PDE4B: variants seen among roughly 807,000 people sequenced by gnomAD.
PDE4B encodes the protein phosphodiesterase 4B.
Under a neutral mutation model 82.2 loss-of-function variants are expected in PDE4B, and 20 were observed. That is an observed-to-expected ratio of 0.24 (90% CI 0.17 to 0.35). The LOEUF is 0.35. Ranked by LOEUF, PDE4B falls within the 10% of genes least tolerant of loss-of-function variation. The pLI, the probability that PDE4B is intolerant of heterozygous loss-of-function variation, is 1.00. For synonymous variants in PDE4B, 320 were observed against 318.9 expected, an observed-to-expected ratio of 1.00 and a Z score of -0.04; for missense variants, 655 against 907.2, an observed-to-expected ratio of 0.72 and a Z score of 3.57.
At chr1:65,851,363 A>G (rs534819926) in intron 1 of PDE4B, among the ~76,000 whole-genome samples, 5 of 152,146 alleles carry the variant, frequency 3.3e-5, no homozygotes, top group African/African-American at 1.2e-4. Flanking sequence ...CATATAATTA[A>G]TATTTACAAA....
intron 3 of PDE4B, among the ~76,000 whole-genome samples, chr1:66,229,771 G>A (rs1423076717): frequency 2.0e-5 from 3 of 151,924 alleles, no homozygotes; most frequent in Non-Finnish European, 4.4e-5. Flanking sequence ...CTGCAGAGCT[G>A]AACTTCTAAA....
chr1:66,057,523 T>G (rs1655366109), intron 3 of PDE4B, among the ~76,000 whole-genome samples: 1 of 152,120 alleles, frequency 6.6e-6, no homozygotes, highest in South Asian at 2.1e-4. Context: ...AAGACATACA[T>G]GAGACTGGGC....
In PDE4B at chr1:65,794,725, C is replaced by T. The variant is rs138433192; in HGVS notation, c.-71+1477C>T. On this transcript the variant is annotated intron_variant, in intron 1 of 16. Coordinates refer to ENST00000341517, the MANE Select transcript of PDE4B (RefSeq NM_002600.4). ...TTCTTTTTCATTTTCTAAACAACAA[C>T]GTGCCAATTTTGTTAATTTACAAAA... Among the ~76,000 whole-genome samples the T allele has an allele frequency of 2.4e-4, 37 of 152,252 alleles. 1 individual carries two copies. In the East Asian group the frequency reaches 7.1e-3, roughly 29 times the overall value.
intron 3 of PDE4B, among the ~76,000 whole-genome samples, chr1:66,243,924 G>A (rs543570461): frequency 3.9e-5 from 6 of 152,328 alleles, no homozygotes; most frequent in South Asian, 2.1e-4. Flanking sequence ...TTTCAATGCC[G>A]TGTATATATG....
chr1:66,060,178 T>C (rs1394304541), intron 3 of PDE4B, among the ~76,000 whole-genome samples: 1 of 152,198 alleles, frequency 6.6e-6, no homozygotes, highest in Non-Finnish European at 1.5e-5. Flanking sequence ...CTGGCTTCAT[T>C]TGTCACCGAG....
At chr1:65,935,411 A>G (rs1648071101) in intron 3 of PDE4B, among the ~76,000 whole-genome samples, 1 of 152,130 alleles carries the variant, frequency 6.6e-6, no homozygotes. Context: ...ATTTACCATG[A>G]ATGGAATTAA....
chr1:66,249,206 A>G (rs1653564012), intron 4 of PDE4B, among the ~76,000 whole-genome samples: 1 of 152,224 alleles, frequency 6.6e-6, no homozygotes, highest in African/African-American at 2.4e-5. Context: ...GGGTCTTTGA[A>G]TGCAAAGATA....
intron 3 of PDE4B, among the ~76,000 whole-genome samples, chr1:65,996,263 A>T (rs969103340): frequency 1.3e-5 from 2 of 152,086 alleles, no homozygotes; most frequent in South Asian, 4.1e-4. Context: ...AATCTCACTT[A>T]GTATACAATC....
intron 1 of PDE4B, among the ~76,000 whole-genome samples, chr1:65,836,914 A>G (rs1048939860): frequency 3.3e-5 from 5 of 152,106 alleles, no homozygotes; most frequent in Admixed American, 3.3e-4. Flanking sequence ...TATAGTCTTC[A>G]TGGGGCTTAA....
At chr1:65,937,439 C>T (rs1157411116) in intron 3 of PDE4B, among the ~76,000 whole-genome samples, 2 of 152,172 alleles carry the variant, frequency 1.3e-5, no homozygotes, top group African/African-American at 4.8e-5. Flanking sequence ...ATATTTTATA[C>T]TTTTGTGCTG....
intron 1 of PDE4B, among the ~76,000 whole-genome samples, chr1:65,826,269 G>C (rs527989514): frequency 1.3e-5 from 2 of 152,186 alleles, no homozygotes; most frequent in Non-Finnish European, 2.9e-5. Flanking sequence ...CTGATCATTG[G>C]ACTTAAAGCA....
chr1:66,327,235 C>A (rs1229283480), intron 7 of PDE4B, among the ~76,000 whole-genome samples: 1 of 151,900 alleles, frequency 6.6e-6, no homozygotes, highest in African/African-American at 2.4e-5. Flanking sequence ...GTCTATGAAC[C>A]TAAGTATTAG....
intron 3 of PDE4B, among the ~76,000 whole-genome samples, chr1:66,179,103 C>T (rs1420253501): frequency 5.3e-5 from 8 of 152,106 alleles, no homozygotes; most frequent in African/African-American, 1.4e-4. Context: ...CTGCCTACCT[C>T]GGCCTCCCAA....
chr1:66,246,059 G>A (rs1260257279), intron 3 of PDE4B, among the ~76,000 whole-genome samples: 1 of 152,146 alleles, frequency 6.6e-6, no homozygotes, highest in African/African-American at 2.4e-5. Flanking sequence ...TTATCTATTG[G>A]GCCATTCTGG....
At chr1:66,220,838 G>A (rs940356977) in intron 3 of PDE4B, among the ~76,000 whole-genome samples, 3 of 152,092 alleles carry the variant, frequency 2.0e-5, no homozygotes, top group African/African-American at 4.8e-5. Context: ...ATGTTGCCAG[G>A]GCTCCAAGGA....
chr1:66,000,511 C>T (rs182014523), intron 3 of PDE4B, among the ~76,000 whole-genome samples: 94 of 152,246 alleles, frequency 6.2e-4, no homozygotes, highest in African/African-American at 1.9e-3. Flanking sequence ...TTGGTTCTGC[C>T]TCATTTTTTC....
chr1:66,004,621 GT>G, intron 3 of PDE4B, among the ~76,000 whole-genome samples: 1 of 151,726 alleles, frequency 6.6e-6, no homozygotes, highest in African/African-American at 2.4e-5. Flanking sequence ...ATGAAGCACT[GT>G]TTTTTTTAAG....
chr1:65,895,913 T>C (rs1017317590), intron 1 of PDE4B, among the ~76,000 whole-genome samples: 26 of 141,500 alleles, frequency 1.8e-4, no homozygotes, highest in Non-Finnish European at 2.9e-4. Context: ...TATTGTCATC[T>C]GGGCAAAGAT....
chr1:66,091,345 A>G (rs1314613543), intron 3 of PDE4B, among the ~76,000 whole-genome samples: 5 of 152,208 alleles, frequency 3.3e-5, no homozygotes, highest in African/African-American at 1.2e-4. Context: ...CAACTTCACA[A>G]AAACACAGAA....
Sources: allele counts gnomAD v4.1 joint callset (sites outside exome capture counted in the v4.1 genomes callset), GRCh38; gene constraint gnomAD v4.1.1; transcripts MANE v1.5; gene names NCBI Gene and HGNC (gene_info 2026-07-23, HGNC 2026-07-21).